AGPAT4: variants seen among roughly 807,000 people sequenced by gnomAD.
AGPAT4 encodes the protein 1-acylglycerol-3-phosphate O-acyltransferase 4, also known as 1-acyl-sn-glycerol-3-phosphate acyltransferase delta.
A neutral mutation model predicts 48.0 loss-of-function variants in AGPAT4; 15 were observed. The ratio of observed to expected loss-of-function variants is 0.31; its 90% CI spans 0.21 to 0.48. AGPAT4 has a LOEUF of 0.48. Among genes scored for constraint, AGPAT4 ranks in the 20% least tolerant of loss-of-function variants. AGPAT4 has a pLI of 0.99. For synonymous variants in AGPAT4, 178 were observed against 198.7 expected (o/e 0.90, Z 0.88); for missense variants, 314 against 482.5 (o/e 0.65, Z 3.27).
At position 161,232,775 on chromosome 6, in the gene AGPAT4, C is replaced by G. The variant is rs1287835441; in HGVS notation, c.-89-473G>C. 6.6e-6 allele frequency among the ~76,000 whole-genome samples: 1 copy of G among 152,148 alleles called. No individual in the cohort carries two copies. Among genetic ancestry groups the G allele is most frequent in the Non-Finnish European group, 1.5e-5 (1 of 68,034 alleles). On this transcript the variant is annotated intron_variant, in intron 1 of 8. Transcript: ENST00000320285. This position sits in a 1 kb window ranked among gnomAD's most constrained non-coding sequence, Gnocchi z 6.8. The stretch of plus-strand genomic sequence containing the variant: ...CCTCTCATTCTCCTCCTCCAGATCC[C>G]TGCTCACCCCTCGCTTCCAGCAGGA...
intron 1 of AGPAT4, among the ~76,000 whole-genome samples, chr6:161,269,111 T>C (rs1232579855): frequency 6.6e-6 from 1 of 152,228 alleles, no homozygotes; most frequent in Non-Finnish European, 1.5e-5. Flanking sequence ...TAAAATGCTA[T>C]ACTTTGAGTC....
chr6:161,210,451 G>A (rs144506222), intron 2 of AGPAT4, among the ~76,000 whole-genome samples: 4,084 of 152,072 alleles, frequency 0.027, 199 homozygotes, highest in African/African-American at 0.094. Context: ...TACTTCTATC[G>A]GCATGCCTAA....
Position 161,143,706 on chromosome 6 carries a change from A to C in AGPAT4, c.843+2818T>G, listed in dbSNP as rs1034527660. ...GAGCAAGAAATACTGTGCATTTTTCATAAAGCTAAACTAGGTCCACTCAAA... is the reference window on the plus strand; with the variant it reads ...GAGCAAGAAATACTGTGCATTTTTCCTAAAGCTAAACTAGGTCCACTCAAA... On this transcript the variant is annotated intron_variant, in intron 7 of 8. Transcript: ENST00000320285. The surrounding 1 kb of genome is among the most constrained non-coding windows in gnomAD (Gnocchi z 4.7). 6.6e-6 allele frequency among the ~76,000 whole-genome samples: 1 copy of C among 152,370 alleles called. No homozygotes were observed. The highest frequency in any genetic ancestry group is 6.5e-5 in the Admixed American group (1 of 15,306).
At position 161,137,852 on chromosome 6, in the gene AGPAT4, C is replaced by T. The variant is rs1779121804; in HGVS notation, c.1043-1218G>A. Among the ~76,000 whole-genome samples, 1 of 151,568 alleles carries T rather than the reference C, an allele frequency of 6.6e-6. No homozygotes were observed. Among genetic ancestry groups the T allele is most frequent in the African/African-American group, 2.4e-5 (1 of 41,194 alleles). ...GTGTCCACACTGCACCCCTCAGATG[C>T]TCCTGAAGACTCCCTGTGTCCATAC... On this transcript the variant is annotated intron_variant, in intron 8 of 8. Coordinates refer to ENST00000320285, the MANE Select transcript of AGPAT4 (RefSeq NM_020133.3). This position sits in a 1 kb window ranked among gnomAD's most constrained non-coding sequence, Gnocchi z 6.1.
intron 1 of AGPAT4, among the ~76,000 whole-genome samples, chr6:161,263,636 T>C (rs932725092): frequency 1.3e-5 from 2 of 152,238 alleles, no homozygotes; most frequent in African/African-American, 4.8e-5. Flanking sequence ...AATATCTCTC[T>C]GGTCCTCTCC....
chr6:161,136,301 TCA>T lies in AGPAT4; in HGVS notation c.*237_*238del, dbSNP rs762726605. On this transcript the variant is annotated 3_prime_UTR_variant, in exon 9 of 9. Coordinates refer to ENST00000320285, the MANE Select transcript of AGPAT4 (RefSeq NM_020133.3). ...GTTCACACTCACCACACAGCCATTC[TCA>T]CACACACTCGCACAAAAAGAAAACC... The T allele has an allele frequency of 2.7e-5, 14 of 520,980 alleles. No homozygotes were observed. The highest frequency in any genetic ancestry group is 6.4e-5 in the Admixed American group (2 of 31,012). 32.3% of individuals were successfully genotyped at this position (520,980 alleles called of 1,614,324 possible).
At chr6:161,174,950 T>G (rs1221850087) in intron 2 of AGPAT4, among the ~76,000 whole-genome samples, 1 of 152,222 alleles carries the variant, frequency 6.6e-6, no homozygotes, top group Non-Finnish European at 1.5e-5. Flanking sequence ...GGATTTATGT[T>G]TATTGATTTG....
Position 161,251,675 on chromosome 6 carries a change from G to A in AGPAT4, c.-89-19373C>T, listed in dbSNP as rs1291571850. Among the ~76,000 whole-genome samples, 3 of 152,196 alleles carry A rather than the reference G, an allele frequency of 2.0e-5. No homozygotes were observed. The highest frequency in any genetic ancestry group is 1.5e-5 in the Non-Finnish European group (1 of 68,036). On this transcript the variant is annotated intron_variant, in intron 1 of 8. Transcript: ENST00000320285. The surrounding 1 kb of genome is among the most constrained non-coding windows in gnomAD (Gnocchi z 4.6). ...GTTCATTTGTGCCAACGTATTCCCA[G>A]GTGGGAATGAGGGGAGCCAGGTGGA...
In AGPAT4 at chr6:161,266,395, G is replaced by T. The variant is rs1183223906; in HGVS notation, c.-90+7543C>A. On this transcript the variant is annotated intron_variant, in intron 1 of 8. Transcript: ENST00000320285. This position sits in a 1 kb window ranked among gnomAD's most constrained non-coding sequence, Gnocchi z 6.2. The stretch of plus-strand genomic sequence containing the variant: ...GGGTACTCTGCTCTATGCTACAAAC[G>T]ATGCGATCATACCTCCATGCCATGA... Among the ~76,000 whole-genome samples the T allele has an allele frequency of 6.6e-6, 1 of 152,138 alleles. No individual in the cohort carries two copies. Among genetic ancestry groups the T allele is most frequent in the Non-Finnish European group, 1.5e-5 (1 of 68,032 alleles).
In AGPAT4 at chr6:161,218,939, A is replaced by C. The variant is rs1390585749; in HGVS notation, c.178+13097T>G. ...AGCGTTTCTAGGATTTTTCCTTCAA[A>C]ACAGACTGTGGAATTGGAGAATACT... On this transcript the variant is annotated intron_variant, in intron 2 of 8. Coordinates refer to ENST00000320285, the MANE Select transcript of AGPAT4 (RefSeq NM_020133.3). The surrounding 1 kb of genome is among the most constrained non-coding windows in gnomAD (Gnocchi z 4.7). Among the ~76,000 whole-genome samples the C allele has an allele frequency of 6.6e-6, 1 of 152,244 alleles. No individual in the cohort carries two copies. The highest frequency in any genetic ancestry group is 1.5e-5 in the Non-Finnish European group (1 of 68,042).
At chr6:161,172,325 C>G (rs1264388764) in intron 2 of AGPAT4, among the ~76,000 whole-genome samples, 1 of 152,230 alleles carries the variant, frequency 6.6e-6, no homozygotes, top group Admixed American at 6.5e-5. Flanking sequence ...ACCCCAGCCA[C>G]AGACATGTCC....
At position 161,139,595 on chromosome 6, in the gene AGPAT4, C is replaced by T. The variant is rs1403837283; in HGVS notation, c.869G>A (p.Arg290Lys). The change falls in exon 8 of 9, where the codon AGG (arginine) becomes AAG (lysine). Residue 290 changes from arginine to lysine, a missense_variant. Coordinates refer to ENST00000320285, the MANE Select transcript of AGPAT4 (RefSeq NM_020133.3). The surrounding 1 kb of genome is among the most constrained non-coding windows in gnomAD (Gnocchi z 9.1). ...GGGCGTCTCTGGGAAGGTGCCCGTCCTGTAGTACTCCTCCTGAAAGGCATC... is the reference window on the plus strand; with the variant it reads ...GGGCGTCTCTGGGAAGGTGCCCGTCTTGTAGTACTCCTCCTGAAAGGCATC... Reference protein sequence around the residue: ...EKDAFQEEYYRTGTFPETPMV... With the variant: ...EKDAFQEEYYKTGTFPETPMV... 1.4e-5 allele frequency: 22 copies of T among 1,608,912 alleles called. No homozygotes were observed. The highest frequency in any genetic ancestry group is 1.7e-5 in the Non-Finnish European group (20 of 1,175,956).
chr6:161,208,719 G>T lies in AGPAT4; in HGVS notation c.178+23317C>A, dbSNP rs1781446606. On this transcript the variant is annotated intron_variant, in intron 2 of 8. Coordinates refer to ENST00000320285, the MANE Select transcript of AGPAT4 (RefSeq NM_020133.3). This position sits in a 1 kb window ranked among gnomAD's most constrained non-coding sequence, Gnocchi z 4.6. Reference sequence around the variant, plus strand: ...GCAAAAGAAGTCTATGTGTTCAAAAGAAAACTATTTGGTGCTGATTTATTT... The same window carrying T: ...GCAAAAGAAGTCTATGTGTTCAAAATAAAACTATTTGGTGCTGATTTATTT... Among the ~76,000 whole-genome samples, 1 of 152,162 alleles carries T rather than the reference G, an allele frequency of 6.6e-6. No individual in the cohort carries two copies. The highest frequency in any genetic ancestry group is 1.5e-5 in the Non-Finnish European group (1 of 68,018).
intron 1 of AGPAT4, among the ~76,000 whole-genome samples, chr6:161,248,431 G>T (rs61649610): frequency 6.6e-6 from 1 of 151,842 alleles, no homozygotes; most frequent in African/African-American, 2.4e-5. Flanking sequence ...AAAATTAGCC[G>T]GGCATGGTGG....
intron 2 of AGPAT4, among the ~76,000 whole-genome samples, chr6:161,179,106 T>C (rs538154207): frequency 6.6e-6 from 1 of 152,352 alleles, no homozygotes; most frequent in East Asian, 1.9e-4. Context: ...GCCTGCTATT[T>C]AACCATTGCC....
intron 5 of AGPAT4, among the ~76,000 whole-genome samples, chr6:161,152,520 G>A (rs563561360): frequency 6.6e-6 from 1 of 152,210 alleles, no homozygotes; most frequent in Non-Finnish European, 1.5e-5. Flanking sequence ...CCTGGTAGGG[G>A]GTCAGCCAGG....
chr6:161,206,199 G>A lies in AGPAT4; in HGVS notation c.178+25837C>T, dbSNP rs1346333071. 6.6e-6 allele frequency among the ~76,000 whole-genome samples: 1 copy of A among 152,094 alleles called. No homozygotes were observed. The highest frequency in any genetic ancestry group is 1.9e-4 in the East Asian group (1 of 5,194). On this transcript the variant is annotated intron_variant, in intron 2 of 8. Coordinates refer to ENST00000320285, the MANE Select transcript of AGPAT4 (RefSeq NM_020133.3). The surrounding 1 kb of genome is among the most constrained non-coding windows in gnomAD (Gnocchi z 4.8). Reference sequence around the variant, plus strand: ...CAACCGAACTCATGGAAAAACTGTGGCCCTACCCCAACCCCCCATCAGCAA... The same window carrying A: ...CAACCGAACTCATGGAAAAACTGTGACCCTACCCCAACCCCCCATCAGCAA...
chr6:161,154,133 T>G lies in AGPAT4; in HGVS notation c.510+16A>C, dbSNP rs2277092. ...GCAGGAGCCCTTGGGACACAGCTGC[T>G]CTGGTGCCTACATACAAAATACTTC... On this transcript the variant is annotated intron_variant, in intron 4 of 8. Coordinates refer to ENST00000320285, the MANE Select transcript of AGPAT4 (RefSeq NM_020133.3). The surrounding 1 kb of genome is among the most constrained non-coding windows in gnomAD (Gnocchi z 7.8). 152,854 of 1,613,784 alleles carry G rather than the reference T, an allele frequency of 0.095. 7,966 individuals carry two copies. The highest frequency in any genetic ancestry group is 0.11 in the Non-Finnish European group (125,719 of 1,179,906).
In AGPAT4 at chr6:161,132,092, G is replaced by A. The variant is rs1364196100; in HGVS notation, c.*4448C>T. 6.6e-6 allele frequency: 1 copy of A among 152,160 alleles called. No homozygotes were observed. 9.4% of individuals were successfully genotyped at this position (152,160 alleles called of 1,614,324 possible). On this transcript the variant is annotated 3_prime_UTR_variant, in exon 9 of 9. Coordinates refer to ENST00000320285, the MANE Select transcript of AGPAT4 (RefSeq NM_020133.3). ...ACTGGAACCTGGGCCTTCATTACGG[G>A]CTCCGGTTTTGGAGTGCAGAGGGAT...
Sources: allele counts gnomAD v4.1 joint callset (sites outside exome capture counted in the v4.1 genomes callset), GRCh38; gene constraint gnomAD v4.1.1; non-coding constraint Gnocchi (gnomAD v3.1); transcripts MANE v1.5; gene names NCBI Gene and HGNC (gene_info 2026-07-23, HGNC 2026-07-21).